The following SLC13A3 variants were observed in gnomAD, a reference collection of about 807,000 sequenced individuals.
SLC13A3 encodes the protein Na(+)/dicarboxylate cotransporter 3.
SLC13A3 carries 40 observed loss-of-function variants against 59.0 expected under a neutral mutation model. The observed-to-expected ratio is 0.68, with a 90% CI of 0.53 to 0.88. The LOEUF is 0.88. SLC13A3 is among the 40% of genes least tolerant of loss of function. SLC13A3 has a pLI of 0.00. For synonymous variants in SLC13A3, 317 were observed against 330.3 expected, an observed-to-expected ratio of 0.96 and a Z score of 0.44; for missense variants, 699 against 783.2, an observed-to-expected ratio of 0.89 and a Z score of 1.28.
chr20:46,567,114 C>A (rs1411423470), intron 10 of SLC13A3, among the ~76,000 whole-genome samples: 1 of 151,972 alleles, frequency 6.6e-6, no homozygotes, highest in Non-Finnish European at 1.5e-5. Flanking sequence ...ATCGCTTGAA[C>A]CTGGGAGGGA....
At chr20:46,571,701 G>A (rs1468361346) in intron 10 of SLC13A3, among the ~76,000 whole-genome samples, 1 of 152,032 alleles carries the variant, frequency 6.6e-6, no homozygotes, top group East Asian at 1.9e-4. Context: ...AGGATCATTT[G>A]GGGGGTAGAT....
intron 1 of SLC13A3, among the ~76,000 whole-genome samples, chr20:46,663,012 G>C (rs2063040729): frequency 1.3e-5 from 2 of 152,112 alleles, no homozygotes; most frequent in Admixed American, 1.3e-4. Flanking sequence ...CTTGGGGGCT[G>C]GGCATGGTGT....
chr20:46,633,039 T>G (rs2062760913), intron 1 of SLC13A3, among the ~76,000 whole-genome samples: 1 of 152,122 alleles, frequency 6.6e-6, no homozygotes, highest in Non-Finnish European at 1.5e-5. Context: ...TGTTACCTAC[T>G]ACTGGCAGCT....
intron 4 of SLC13A3, 32 bp downstream of exon 4, chr20:46,599,939 T>G (rs1163227581): frequency 6.7e-7 from 1 of 1,496,332 alleles, no homozygotes; most frequent in Admixed American, 1.8e-5. Context: ...AATCAAGCAC[T>G]GGGTCCTCTA....
intron 1 of SLC13A3, among the ~76,000 whole-genome samples, chr20:46,677,527 A>G (rs1415547747): frequency 6.6e-6 from 1 of 152,156 alleles, no homozygotes. Flanking sequence ...TTTGGGGTGA[A>G]GTTCTGGATT....
At chr20:46,652,846 G>A (rs1022637382), upstream of SLC13A3, among the ~76,000 whole-genome samples, 3 of 152,120 alleles carry the variant, frequency 2.0e-5, no homozygotes, top group South Asian at 2.1e-4. Context: ...CAAAGTGATT[G>A]TACTATTTTG....
upstream of SLC13A3, among the ~76,000 whole-genome samples, chr20:46,651,638 G>A (rs1220845885): frequency 6.6e-6 from 1 of 152,250 alleles, no homozygotes; most frequent in Non-Finnish European, 1.5e-5. Flanking sequence ...ATTAGCAAAC[G>A]GGACCCCAGC....
At chr20:46,560,413 A>G (rs976794282) in intron 12 of SLC13A3, among the ~76,000 whole-genome samples, 1 of 152,096 alleles carries the variant, frequency 6.6e-6, no homozygotes, top group African/African-American at 2.4e-5. Flanking sequence ...GTCCCCATTC[A>G]TTGATGGCCT....
intron 9 of SLC13A3, chr20:46,583,317 G>A: frequency 2.1e-6 from 2 of 962,344 alleles, no homozygotes. Context: ...TCTGAAAACT[G>A]TGCTTAGCTC....
At chr20:46,681,292 C>T (rs2063152538) in intron 1 of SLC13A3, among the ~76,000 whole-genome samples, 1 of 152,160 alleles carries the variant, frequency 6.6e-6, no homozygotes, top group African/African-American at 2.4e-5. Context: ...TAGCACAGTG[C>T]CTGCTACACT....
intron 1 of SLC13A3, among the ~76,000 whole-genome samples, chr20:46,666,476 T>C (rs2063063241): frequency 3.2e-5 from 1 of 31,426 alleles, no homozygotes; most frequent in Admixed American, 1.8e-4. Flanking sequence ...TGTTGCTTTG[T>C]TGTTGTTGTT....
chr20:46,655,475 GTA>G (rs2062979076), upstream of SLC13A3, among the ~76,000 whole-genome samples: 1 of 147,646 alleles, frequency 6.8e-6, no homozygotes, highest in African/African-American at 2.5e-5. Flanking sequence ...GAGCCAACAT[GTA>G]TATATATGTG....
chr20:46,620,660 A>C (rs1242919287), intron 1 of SLC13A3, among the ~76,000 whole-genome samples: 1 of 152,238 alleles, frequency 6.6e-6, no homozygotes, highest in Non-Finnish European at 1.5e-5. Context: ...CAGAGCATCC[A>C]CATGGATCTG....
chr20:46,563,551 C>T lies in SLC13A3; in HGVS notation c.1495G>A (p.Ala499Thr), dbSNP rs768114119. Residue 499 changes from alanine (A) to threonine (T), a missense_variant and splice_region_variant, in exon 12 of 13, where the codon GCC becomes ACC. Ala to Thr is a moderately conservative substitution (Grantham distance 58, BLOSUM62 0). Transcript: ENST00000279027. ...AGGGGGTGCACTCTCAGGCGGATGG[C>T]CTGGGCCAGGAAAAGGTGGGAGAGA... ...IIFLPVLAELAIRLRVHPLYL... is the reference protein window; with the variant it reads ...IIFLPVLAELTIRLRVHPLYL... 6.2e-6 allele frequency: 10 copies of T among 1,612,576 alleles called. No individual in the cohort carries two copies. In the South Asian group the frequency reaches 1.1e-4, roughly 18 times the overall value.
At chr20:46,595,996 T>C (rs2062308030) in intron 5 of SLC13A3, among the ~76,000 whole-genome samples, 161 bp downstream of exon 5, 1 of 152,214 alleles carries the variant, frequency 6.6e-6, no homozygotes, top group African/African-American at 2.4e-5. Context: ...AGAATGGAAG[T>C]TCCCCAAGGG....
At chr20:46,578,440 A>G (rs1455670705) in intron 9 of SLC13A3, among the ~76,000 whole-genome samples, 1 of 151,654 alleles carries the variant, frequency 6.6e-6, no homozygotes, top group East Asian at 2.0e-4. Context: ...CTTTGGGAGG[A>G]CAAGGTGGGC....
chr20:46,595,859 C>G (rs529940158), intron 5 of SLC13A3, among the ~76,000 whole-genome samples: 1 of 152,238 alleles, frequency 6.6e-6, no homozygotes, highest in South Asian at 2.1e-4. Flanking sequence ...CTTGACCAAC[C>G]TACATAAACT....
At chr20:46,609,257 G>A (rs1304513712) in intron 3 of SLC13A3, among the ~76,000 whole-genome samples, 1 of 152,202 alleles carries the variant, frequency 6.6e-6, no homozygotes, top group East Asian at 1.9e-4. Flanking sequence ...TGACGTCATT[G>A]TGCCTCTGAA....
At chr20:46,671,953 C>T (rs901792918), upstream of SLC13A3, among the ~76,000 whole-genome samples, 3 of 152,178 alleles carry the variant, frequency 2.0e-5, no homozygotes, top group Non-Finnish European at 4.4e-5. Flanking sequence ...GCTAGAGGGG[C>T]TTTTTCATAG....
Sources: gnomAD v4.1 joint callset for allele counts (sites outside exome capture counted in the v4.1 genomes callset) on GRCh38, gnomAD v4.1.1 for gene constraint, MANE v1.5 for transcripts, NCBI Gene and HGNC (gene_info 2026-07-23, HGNC 2026-07-21) for gene names.